Variants in CRYBG1 observed in about 807,000 individuals in gnomAD.
The protein encoded by CRYBG1 is crystallin beta-gamma domain containing 1.
A neutral mutation model predicts 189.2 loss-of-function variants in CRYBG1; 139 were observed. The ratio of observed to expected loss-of-function variants is 0.73; its 90% CI spans 0.64 to 0.85. CRYBG1 has a LOEUF of 0.85. CRYBG1 is among the 40% of genes least tolerant of loss of function. The pLI is 0.00. For missense variants in CRYBG1, 2,611 were observed against 2,675.8 expected (o/e 0.98, Z 0.53); for synonymous variants, 1,023 against 1,017.1 (o/e 1.01, Z -0.11).
intron 2 of CRYBG1, among the ~76,000 whole-genome samples, chr6:106,483,877 G>A (rs574629850): frequency 1.9e-4 from 29 of 152,112 alleles, no homozygotes; most frequent in Admixed American, 6.5e-5. Context: ...TTGTTTATTG[G>A]TTGTTAAGTT....
intron 3 of CRYBG1, among the ~76,000 whole-genome samples, chr6:106,516,765 G>A (rs998966074): frequency 6.6e-5 from 10 of 152,214 alleles, no homozygotes; most frequent in African/African-American, 1.7e-4. Flanking sequence ...GTGGTTGGGA[G>A]CATGGCATCT....
At position 106,513,012 on chromosome 6, in the gene CRYBG1, G is replaced by A. The variant is rs1005581181; in HGVS notation, c.1895G>A (p.Arg632Lys). ...LKPRNHFGVG[R>K]STVTTKVTLP... ...CCCAGGAACCATTTCGGCGTGGGCA[G>A]GTCGACAGTGACCACTAAAGTGACC... The change falls in exon 3 of 22, where the codon AGG becomes AAG. Residue 632 changes from arginine to lysine, a missense_variant. This residue lies in a region of CRYBG1 where 985 missense variants were observed against 924.4 expected (regional missense o/e 1.07). Transcript: ENST00000633556. 1 of 1,606,030 alleles carries A rather than the reference G, an allele frequency of 6.2e-7. No individual in the cohort carries two copies. Among genetic ancestry groups the A allele is most frequent in the Non-Finnish European group, 8.5e-7 (1 of 1,179,726 alleles).
intron 1 of CRYBG1, among the ~76,000 whole-genome samples, chr6:106,379,088 G>A (rs1006721273): frequency 2.0e-5 from 3 of 152,108 alleles, no homozygotes; most frequent in African/African-American, 7.2e-5. Flanking sequence ...GGCAGAGGTT[G>A]CAGTGAGTTG....
intron 1 of CRYBG1, among the ~76,000 whole-genome samples, chr6:106,383,283 C>G (rs1582732537): frequency 6.6e-6 from 1 of 152,216 alleles, no homozygotes; most frequent in Middle Eastern, 3.4e-3. Flanking sequence ...ATCTTAACCT[C>G]CATAAGTAGT....
intron 1 of CRYBG1, among the ~76,000 whole-genome samples, chr6:106,398,850 C>T (rs1770665165): frequency 6.6e-6 from 1 of 152,216 alleles, no homozygotes; most frequent in African/African-American, 2.4e-5. Context: ...CCACCAAAGC[C>T]TAAGTTCCTT....
intron 2 of CRYBG1, among the ~76,000 whole-genome samples, chr6:106,473,949 A>T (rs1772287592): frequency 6.6e-6 from 1 of 152,240 alleles, no homozygotes; most frequent in Admixed American, 6.5e-5. Flanking sequence ...TTTACATATG[A>T]TTATGTCTTT....
rs529512851 is a variant in CRYBG1 at position 106,379,057 on chromosome 6, G to T, written c.173+17976G>T. ...AGCTACTTTGCTGAGACTGAGGCAT[G>T]CAAATTGCTTGACCCCGGGAGGCAG... On this transcript the variant is annotated intron_variant, in intron 1 of 21. Coordinates refer to ENST00000633556, the MANE Select transcript of CRYBG1 (RefSeq NM_001371242.2). 3.9e-5 allele frequency among the ~76,000 whole-genome samples: 6 copies of T among 152,132 alleles called. No individual in the cohort carries two copies. The East Asian group carries it at 5.9e-4, about 15-fold the overall frequency.
chr6:106,364,867 A>T (rs1297075651), intron 1 of CRYBG1, among the ~76,000 whole-genome samples: 1 of 152,244 alleles, frequency 6.6e-6, no homozygotes, highest in Non-Finnish European at 1.5e-5. Context: ...CAATTTTCTC[A>T]TTCACAAAAT....
At chr6:106,396,938 C>T (rs1770625264) in intron 1 of CRYBG1, among the ~76,000 whole-genome samples, 1 of 152,196 alleles carries the variant, frequency 6.6e-6, no homozygotes, top group African/African-American at 2.4e-5. Flanking sequence ...CCTTGGCCTC[C>T]CAAATTGCTG....
At chr6:106,408,491 A>T (rs1770865031) in intron 1 of CRYBG1, among the ~76,000 whole-genome samples, 1 of 152,252 alleles carries the variant, frequency 6.6e-6, no homozygotes, top group South Asian at 2.1e-4. Context: ...CAATCAATAG[A>T]AAAAGAGGGA....
At chr6:106,550,273 G>A (rs948908534) in intron 13 of CRYBG1, among the ~76,000 whole-genome samples, 1 of 152,142 alleles carries the variant, frequency 6.6e-6, no homozygotes, top group Non-Finnish European at 1.5e-5. Flanking sequence ...GAGATTAAAT[G>A]TGATAACAGA....
At chr6:106,405,434 G>A (rs548006678) in intron 1 of CRYBG1, among the ~76,000 whole-genome samples, 48 of 152,346 alleles carry the variant, frequency 3.2e-4, no homozygotes, top group African/African-American at 1.0e-3. Context: ...AGCACTTGGG[G>A]GAAGGGGCGG....
intron 1 of CRYBG1, among the ~76,000 whole-genome samples, chr6:106,430,305 C>T (rs866806808): frequency 2.0e-5 from 3 of 152,030 alleles, no homozygotes; most frequent in Non-Finnish European, 4.4e-5. Flanking sequence ...CAGTGGCTCA[C>T]GCCTGTGATC....
chr6:106,541,570 A>G lies in CRYBG1; in HGVS notation c.4846-16A>G, dbSNP rs1251279449. 6.2e-7 allele frequency: 1 copy of G among 1,610,060 alleles called. No individual in the cohort carries two copies. The highest frequency in any genetic ancestry group is 1.1e-5 in the South Asian group (1 of 90,946). On this transcript the variant is annotated splice_polypyrimidine_tract_variant and intron_variant, in intron 9 of 21. Transcript: ENST00000633556. ...TCAGTGAAAAACTATTTTTCTTACT[A>G]TGTTGTTTTTTTCAGGGTGGCCGTA...
rs985855137 is a variant in CRYBG1 at position 106,543,273 on chromosome 6, A to T, written c.4882-167A>T. On this transcript the variant is annotated intron_variant, in intron 10 of 21. Coordinates refer to ENST00000633556, the MANE Select transcript of CRYBG1 (RefSeq NM_001371242.2). ...TCGAACTCCTGACCTCAAGTGATCC[A>T]CCTACCTCAGCCTCGCAAAGTGCTG... 2.6e-5 allele frequency among the ~76,000 whole-genome samples: 4 copies of T among 152,100 alleles called. No individual in the cohort carries two copies. In the East Asian group the frequency reaches 7.7e-4, roughly 29 times the overall value.
At chr6:106,440,466 TA>T (rs1286627701) in intron 1 of CRYBG1, among the ~76,000 whole-genome samples, 1 of 152,102 alleles carries the variant, frequency 6.6e-6, no homozygotes, top group Non-Finnish European at 1.5e-5. Flanking sequence ...AGGGTTTCAC[TA>T]TGTTGCCCAG....
chr6:106,445,567 C>A (rs1771649716), intron 1 of CRYBG1, among the ~76,000 whole-genome samples: 1 of 152,158 alleles, frequency 6.6e-6, no homozygotes, highest in Non-Finnish European at 1.5e-5. Flanking sequence ...CATTCATATG[C>A]ATAATTACAA....
intron 1 of CRYBG1, among the ~76,000 whole-genome samples, chr6:106,381,129 C>T (rs964235345): frequency 6.6e-6 from 1 of 152,110 alleles, no homozygotes; most frequent in South Asian, 2.1e-4. Flanking sequence ...AGCATAGGAT[C>T]ATAACATAGA....
chr6:106,537,777 C>G (rs1369557683), intron 8 of CRYBG1, among the ~76,000 whole-genome samples: 6 of 152,226 alleles, frequency 3.9e-5, no homozygotes, highest in Admixed American at 3.9e-4. Flanking sequence ...ATCCTGACTT[C>G]TAACACTGTA....
Sources: allele counts gnomAD v4.1 joint callset (sites outside exome capture counted in the v4.1 genomes callset), GRCh38; gene constraint gnomAD v4.1.1; regional missense constraint gnomAD v4.1.1; transcripts MANE v1.5; gene names NCBI Gene and HGNC (gene_info 2026-07-23, HGNC 2026-07-21).